The following WHR1 variants were observed in gnomAD, a reference collection of about 807,000 sequenced individuals.
WHR1 encodes the protein winged helix repair factor 1, also known as MHC class III HLA-RP1.
At chr6:31,971,261 C>T in the WHR1 span, 1 of 1,540,414 alleles carries the variant, frequency 6.5e-7, no homozygotes, top group African/African-American at 1.4e-5. The surrounding 1 kb of genome is among the most constrained non-coding windows in gnomAD (Gnocchi z 4.5). Context: ...CTTTGGCTCT[C>T]CTAATTTTAG....
At chr6:31,974,272 T>G in the WHR1 span, among the ~76,000 whole-genome samples, 1 of 127,776 alleles carries the variant, frequency 7.8e-6, no homozygotes. Context: ...AGAGCTAGAC[T>G]TTGTCTCAAA....
chr6:31,979,728 G>A, the WHR1 span: 1 of 789,710 alleles, frequency 1.3e-6, no homozygotes, highest in Non-Finnish European at 1.9e-6. Context: ...CAAGAGAGGA[G>A]GCCTATCTTA....
the WHR1 span, chr6:31,972,065 G>A: frequency 6.2e-7 from 1 of 1,612,370 alleles, no homozygotes; most frequent in Non-Finnish European, 8.5e-7. The surrounding 1 kb of genome is among the most constrained non-coding windows in gnomAD (Gnocchi z 6.3). Flanking sequence ...ACCCCTCCCG[G>A]GGCGGGGGAG....
At chr6:31,976,140 C>T in the WHR1 span, among the ~76,000 whole-genome samples, 2 of 146,284 alleles carry the variant, frequency 1.4e-5, no homozygotes, top group Admixed American at 6.7e-5. Flanking sequence ...GGGGGCTGAC[C>T]CCCCCACCTC....
the WHR1 span, chr6:31,971,551 A>G: frequency 6.2e-7 from 1 of 1,614,170 alleles, no homozygotes; most frequent in East Asian, 2.2e-5. The surrounding 1 kb of genome is among the most constrained non-coding windows in gnomAD (Gnocchi z 4.5). Context: ...GCGCCGGTAG[A>G]AAGGAAAGGG....
chr6:31,971,906 G>A, the WHR1 span: 10 of 1,519,240 alleles, frequency 6.6e-6, no homozygotes, highest in South Asian at 1.3e-5. The surrounding 1 kb of genome is among the most constrained non-coding windows in gnomAD (Gnocchi z 4.5). Flanking sequence ...GGACGTCTGC[G>A]CTCAGATCAA....
chr6:31,972,008 G>A, the WHR1 span: 3 of 1,605,310 alleles, frequency 1.9e-6, no homozygotes, highest in Non-Finnish European at 2.6e-6. The surrounding 1 kb of genome is among the most constrained non-coding windows in gnomAD (Gnocchi z 6.3). Context: ...TGCAAAAGTG[G>A]TTTTCTGCTT....
the WHR1 span, among the ~76,000 whole-genome samples, chr6:31,974,006 C>T: frequency 4.6e-5 from 7 of 151,986 alleles, no homozygotes; most frequent in Admixed American, 2.6e-4. Context: ...ACCCAGAGGC[C>T]GGCGCGGTGG....
the WHR1 span, among the ~76,000 whole-genome samples, chr6:31,973,746 A>G: frequency 2.6e-5 from 4 of 152,192 alleles, no homozygotes; most frequent in African/African-American, 9.7e-5. Flanking sequence ...TACTGAATAT[A>G]TGAGCTGAGT....
At chr6:31,974,279 C>CA in the WHR1 span, among the ~76,000 whole-genome samples, 37,129 of 118,358 alleles carry the variant, frequency 0.31, 6,291 homozygotes, top group Admixed American at 0.42. Flanking sequence ...GACTTTGTCT[C>CA]AAAAAAAAAA....
the WHR1 span, among the ~76,000 whole-genome samples, chr6:31,976,460 A>G: frequency 2.2e-4 from 32 of 146,846 alleles, no homozygotes; most frequent in Middle Eastern, 3.7e-3. Context: ...GGCGGGGCAA[A>G]GGCGCTCCCC....
chr6:31,971,395 G>A, the WHR1 span: 2 of 1,595,912 alleles, frequency 1.3e-6, no homozygotes, highest in Admixed American at 3.4e-5. The surrounding 1 kb of genome is among the most constrained non-coding windows in gnomAD (Gnocchi z 4.5). Context: ...CTCGTCCCGG[G>A]GCTGGTATCG....
the WHR1 span, chr6:31,973,383 A>C: frequency 9.9e-6 from 2 of 201,862 alleles, no homozygotes; most frequent in African/African-American, 4.6e-5. Flanking sequence ...CAAAGGTATT[A>C]GACAGTTGGA....
the WHR1 span, chr6:31,980,454 T>C: frequency 3.1e-6 from 5 of 1,612,388 alleles, no homozygotes; most frequent in South Asian, 5.5e-5. Flanking sequence ...CCCTCAGGCA[T>C]CTGGTGAATG....
At chr6:31,977,596 G>A in the WHR1 span, among the ~76,000 whole-genome samples, 3 of 151,612 alleles carry the variant, frequency 2.0e-5, no homozygotes, top group Non-Finnish European at 4.4e-5. Flanking sequence ...TGATCCACCC[G>A]TCTCAGCCTG....
the WHR1 span, among the ~76,000 whole-genome samples, chr6:31,976,119 C>T: frequency 6.9e-6 from 1 of 145,604 alleles, no homozygotes; most frequent in South Asian, 2.2e-4. Flanking sequence ...GACGGGGCGG[C>T]TGGCTGCGTG....
the WHR1 span, chr6:31,979,946 T>C: frequency 5.0e-6 from 1 of 201,562 alleles, no homozygotes; most frequent in African/African-American, 2.3e-5. Context: ...AGGAGCTAAA[T>C]AAAAATCTAA....
chr6:31,979,554 G>C, the WHR1 span: 2 of 1,612,784 alleles, frequency 1.2e-6, no homozygotes, highest in Non-Finnish European at 8.5e-7. Flanking sequence ...CAGAAATCAC[G>C]TGAGACTTGT....
chr6:31,979,831 T>C, the WHR1 span: 1 of 384,602 alleles, frequency 2.6e-6, no homozygotes, highest in East Asian at 4.6e-5. Flanking sequence ...AAAAGCTTGA[T>C]GTTAATCATA....
Sources: gnomAD v4.1 joint callset for allele counts (sites outside exome capture counted in the v4.1 genomes callset) on GRCh38, gnomAD v4.1.1 for gene constraint, Gnocchi (gnomAD v3.1) non-coding constraint, MANE v1.5 for transcripts, NCBI Gene and HGNC (gene_info 2026-07-23, HGNC 2026-07-21) for gene names.